POTED: variants seen among roughly 807,000 people sequenced by gnomAD.
POTED encodes the protein POTE ankyrin domain family member D.
In POTED, 7 loss-of-function variants were observed where a neutral mutation model predicts 19.0. The ratio of observed to expected loss-of-function variants is 0.37; its 90% confidence interval spans 0.21 to 0.69. POTED has a LOEUF of 0.69. POTED is among the 30% of genes least tolerant of loss of function. The probability of loss-of-function intolerance (pLI) is 0.56; values close to 1 mark genes in which losing one functional copy is unlikely to be tolerated. For synonymous variants in POTED, 16 were observed against 92.0 expected (o/e 0.17, Z 4.73); for missense variants, 54 against 278.5 (o/e 0.19, Z 5.74).
chr21:13,634,283 C>A lies in POTED; in HGVS notation c.1409+3176C>A, dbSNP rs2123220732. On this transcript the variant is annotated intron_variant, in intron 9 of 10. Coordinates refer to ENST00000299443, the MANE Select transcript of POTED (RefSeq NM_174981.6). The stretch of plus-strand genomic sequence containing the variant: ...GTCATATCTCATACATCTGAGCCAC[C>A]CTCATCTGCAGTCTAGATGAGTGCC... Among the ~76,000 whole-genome samples, 2 of 81,830 alleles carry A rather than the reference C, an allele frequency of 2.4e-5. 1 individual carries two copies. Among genetic ancestry groups the A allele is most frequent in the Non-Finnish European group, 4.3e-5 (2 of 46,126 alleles). 53.7% of individuals were successfully genotyped at this position (81,830 alleles called of 152,430 possible). A position where few individuals can be genotyped will look rare whatever the true frequency, so the allele number is the denominator to read the frequency against.
intron 1 of POTED, among the ~76,000 whole-genome samples, chr21:13,614,007 A>G (rs3865070): frequency 0.28 from 26,639 of 95,060 alleles, 5,541 homozygotes; most frequent in East Asian, 0.49. Context: ...AATCTGTACA[A>G]CCAACCCCCT....
intron 10 of POTED, 143 bp downstream of exon 10, chr21:13,639,781 TACACACAC>T (rs150801476): frequency 2.8e-6 from 1 of 360,122 alleles, no homozygotes; most frequent in Non-Finnish European, 4.0e-6. Context: ...TGTATATATA[TACACACAC>T]ACACACACAC....
At chr21:13,631,713 T>C (rs2011215076) in intron 9 of POTED, among the ~76,000 whole-genome samples, 1 of 15,548 alleles carries the variant, frequency 6.4e-5, no homozygotes, top group Non-Finnish European at 9.7e-5. Flanking sequence ...GGTAAATACA[T>C]TTTGAACATT....
intron 7 of POTED, 147 bp from the exon 8 acceptor site, chr21:13,629,706 ATTT>A (rs2011202544): frequency 5.7e-6 from 1 of 175,600 alleles, no homozygotes; most frequent in Non-Finnish European, 9.5e-6. Context: ...TTATTTAATT[ATTT>A]TAACAGTTAA....
At position 13,637,006 on chromosome 21, in the gene POTED, T is replaced by TATA. The variant is rs1568899102; in HGVS notation, c.1410-2509_1410-2508insATA. On this transcript the variant is annotated intron_variant, in intron 9 of 10. Transcript: ENST00000299443. ...CCCAGTCTCAGGTATATATATATAT[T>TATA]TTTTTTTTTTTTTCTTTATTCCACT... 2.0e-4 allele frequency among the ~76,000 whole-genome samples: 2 copies of TATA among 9,978 alleles called. 1 individual carries two copies. Among genetic ancestry groups the TATA allele is most frequent in the Non-Finnish European group, 3.2e-4 (2 of 6,164 alleles). 6.5% of individuals were successfully genotyped at this position (9,978 alleles called of 152,430 possible). A position where few individuals can be genotyped will look rare whatever the true frequency, so the allele number is the denominator to read the frequency against.
intron 7 of POTED, among the ~76,000 whole-genome samples, 154 bp from the exon 8 acceptor site, chr21:13,629,702 A>C (rs2011202489): frequency 9.6e-6 from 1 of 103,854 alleles, no homozygotes; most frequent in Admixed American, 9.5e-5. Flanking sequence ...TTATTTATTT[A>C]ATTATTTTAA....
Position 13,616,170 on chromosome 21 carries a change from G to GTGTGTGTT in POTED, c.810+601_810+602insGTGTGTTT, listed in dbSNP as rs1247635114. Among the ~76,000 whole-genome samples, 2 of 99,126 alleles carry GTGTGTGTT rather than the reference G, an allele frequency of 2.0e-5. 1 individual carries two copies. 65.0% of individuals were successfully genotyped at this position (99,126 alleles called of 152,430 possible). A position where few individuals can be genotyped will look rare whatever the true frequency, so the allele number is the denominator to read the frequency against. ...TGTGTGTGTGTGTGTGTGTGTGTGTGTTGTTACTGTTGTTCATTCATTTGT... is the reference window on the plus strand; with the variant it reads ...TGTGTGTGTGTGTGTGTGTGTGTGTGTGTGTGTTTTGTTACTGTTGTTCATTCATTTGT... On this transcript the variant is annotated intron_variant, in intron 3 of 10. Transcript: ENST00000299443.
Position 13,609,980 on chromosome 21 carries a change from A to G in POTED, c.-249A>G, listed in dbSNP as rs1279546011. 1 of 272,686 alleles carries G rather than the reference A, an allele frequency of 3.7e-6. No individual in the cohort carries two copies. Among genetic ancestry groups the G allele is most frequent in the South Asian group, 3.8e-5 (1 of 26,110 alleles). 16.9% of individuals were successfully genotyped at this position (272,686 alleles called of 1,614,324 possible). A position where few individuals can be genotyped will look rare whatever the true frequency, so the allele number is the denominator to read the frequency against. Reference sequence around the variant, plus strand: ...TGACTGGGCTGGGTGTTTCCTTCGGAGGGGGGGCTTGGCCTTTCCTGGGGT... The same window carrying G: ...TGACTGGGCTGGGTGTTTCCTTCGGGGGGGGGGCTTGGCCTTTCCTGGGGT... On this transcript the variant is annotated 5_prime_UTR_variant, in exon 1 of 11. Coordinates refer to ENST00000299443, the MANE Select transcript of POTED (RefSeq NM_174981.6).
At position 13,645,268 on chromosome 21, in the gene POTED, G is replaced by A. The variant is rs1397240266; in HGVS notation, c.*3702G>A. Among the ~76,000 whole-genome samples the A allele has an allele frequency of 3.0e-5, 4 of 134,176 alleles. No individual in the cohort carries two copies. The East Asian group carries it at 7.9e-4, about 26-fold the overall frequency. The allele number at this position is 134,176 out of a possible 152,430, so 88.0% of individuals were successfully genotyped here. A position where few individuals can be genotyped will look rare whatever the true frequency, so the allele number is the denominator to read the frequency against. On this transcript the variant is annotated 3_prime_UTR_variant, in exon 11 of 11. Coordinates refer to ENST00000299443, the MANE Select transcript of POTED (RefSeq NM_174981.6). ...ACCTCAGTAAGATATGCCATGAGAAGATCATCCCCAAGACACATAATCGTC... is the reference window on the plus strand; with the variant it reads ...ACCTCAGTAAGATATGCCATGAGAAAATCATCCCCAAGACACATAATCGTC...
rs1440282151 is a variant in POTED, at chr21:13,627,624, A to T, written c.1127-758A>T. On this transcript the variant is annotated intron_variant, in intron 6 of 10. Transcript: ENST00000299443. ...AGGCAGGAGAGACCCAGTGGGTCAAACAAGAGGATTTTATTTAGGTGCACA... is the reference window on the plus strand; with the variant it reads ...AGGCAGGAGAGACCCAGTGGGTCAATCAAGAGGATTTTATTTAGGTGCACA... Among the ~76,000 whole-genome samples, 2 of 58,572 alleles carry T rather than the reference A, an allele frequency of 3.4e-5. 1 individual carries two copies. Among genetic ancestry groups the T allele is most frequent in the Non-Finnish European group, 5.7e-5 (2 of 35,316 alleles). The allele number at this position is 58,572 out of a possible 152,430, so 38.4% of individuals were successfully genotyped here.
intron 1 of POTED, among the ~76,000 whole-genome samples, chr21:13,613,084 C>A (rs1231836657): frequency 1.3e-5 from 1 of 77,970 alleles, no homozygotes; most frequent in Non-Finnish European, 2.2e-5. Flanking sequence ...AAGGAATATG[C>A]TACTTGCATA....
Position 13,616,146 on chromosome 21 carries a change from G to C in POTED, c.810+576G>C, listed in dbSNP as rs2123208299. Among the ~76,000 whole-genome samples the C allele has an allele frequency of 1.9e-5, 2 of 103,558 alleles. 1 individual carries two copies. Among genetic ancestry groups the C allele is most frequent in the African/African-American group, 9.2e-5 (2 of 21,762 alleles). The allele number at this position is 103,558 out of a possible 152,430, so 67.9% of individuals were successfully genotyped here. On this transcript the variant is annotated intron_variant, in intron 3 of 10. Coordinates refer to ENST00000299443, the MANE Select transcript of POTED (RefSeq NM_174981.6). Reference sequence around the variant, plus strand: ...AAAAGACCATGAAGAGGTTGTGTGTGTGTGTGTGTGTGTGTGTGTGTGTGT... The same window carrying C: ...AAAAGACCATGAAGAGGTTGTGTGTCTGTGTGTGTGTGTGTGTGTGTGTGT...
chr21:13,611,538 G>A lies in POTED; in HGVS notation c.521+789G>A, dbSNP rs1351509525. 3.0e-4 allele frequency among the ~76,000 whole-genome samples: 18 copies of A among 60,896 alleles called. 6 individuals are homozygous for A. The highest frequency in any genetic ancestry group is 3.2e-4 in the African/African-American group (2 of 6,190). 40.0% of individuals were successfully genotyped at this position (60,896 alleles called of 152,430 possible). A position where few individuals can be genotyped will look rare whatever the true frequency, so the allele number is the denominator to read the frequency against. On this transcript the variant is annotated intron_variant, in intron 1 of 10. Transcript: ENST00000299443. Reference sequence around the variant, plus strand: ...TGTAAGAATTTAGCACTTGATAATGGTGATGTTTCATATTGGTAAAACAAG... The same window carrying A: ...TGTAAGAATTTAGCACTTGATAATGATGATGTTTCATATTGGTAAAACAAG...
At chr21:13,629,589 C>T (rs1413222909) in intron 7 of POTED, among the ~76,000 whole-genome samples, 1 of 62,796 alleles carries the variant, frequency 1.6e-5, no homozygotes, top group Non-Finnish European at 2.9e-5. Context: ...TGTTTTTATT[C>T]TCCCTTTGTC....
chr21:13,610,818 G>A (rs557088046), intron 1 of POTED, 69 bp downstream of exon 1: 1 of 1,027,888 alleles, frequency 9.7e-7, no homozygotes, highest in South Asian at 1.7e-5. Flanking sequence ...CCTGGCGCAG[G>A]GAGGGAGGAG....
At chr21:13,611,056 G>T (rs1335479452) in intron 1 of POTED, among the ~76,000 whole-genome samples, 2 of 80,048 alleles carry the variant, frequency 2.5e-5, no homozygotes, top group Non-Finnish European at 4.4e-5. Flanking sequence ...TTAAAACAAT[G>T]TTCTGTACAC....
rs2011304275 is a variant in POTED, at chr21:13,645,237, C to T, written c.*3671C>T. 7.5e-6 allele frequency among the ~76,000 whole-genome samples: 1 copy of T among 133,072 alleles called. No homozygotes were observed. Among genetic ancestry groups the T allele is most frequent in the South Asian group, 2.3e-4 (1 of 4,418 alleles). 87.3% of individuals were successfully genotyped at this position (133,072 alleles called of 152,430 possible). ...GGCCAACATTCAACTTCAGGAAATCCAGAGAACCTCAGTAAGATATGCCAT... is the reference window on the plus strand; with the variant it reads ...GGCCAACATTCAACTTCAGGAAATCTAGAGAACCTCAGTAAGATATGCCAT... On this transcript the variant is annotated 3_prime_UTR_variant, in exon 11 of 11. Transcript: ENST00000299443.
At chr21:13,634,812 CAA>C (rs1339886558) in intron 9 of POTED, among the ~76,000 whole-genome samples, 3 of 57,936 alleles carry the variant, frequency 5.2e-5, no homozygotes, top group Non-Finnish European at 8.7e-5. Context: ...TTCAGTGAAA[CAA>C]AGTGATTTAT....
intron 9 of POTED, among the ~76,000 whole-genome samples, chr21:13,636,705 G>A (rs4046734): frequency 5.7e-5 from 4 of 69,710 alleles, no homozygotes; most frequent in African/African-American, 1.2e-4. Flanking sequence ...CCCAAATCTC[G>A]TGTCAAATTG....
Sources: gnomAD v4.1 joint callset for allele counts (sites outside exome capture counted in the v4.1 genomes callset) on GRCh38, gnomAD v4.1.1 for gene constraint, MANE v1.5 for transcripts, NCBI Gene and HGNC (gene_info 2026-07-23, HGNC 2026-07-21) for gene names.